Variants in TOR1AIP1 observed in about 807,000 individuals in gnomAD.
TOR1AIP1 encodes torsin-1A-interacting protein 1.
TOR1AIP1 carries 54 observed loss-of-function variants against 63.3 expected under a neutral mutation model. That is an observed-to-expected ratio of 0.85 (90% CI 0.69 to 1.07). The LOEUF (loss-of-function observed/expected upper bound fraction) is 1.07. Among genes scored for constraint, TOR1AIP1 ranks in the 50% least tolerant of loss-of-function variants. TOR1AIP1 has a pLI of 0.00. For missense variants in TOR1AIP1, 736 were observed against 715.0 expected (o/e 1.03, Z -0.33); for synonymous variants, 294 against 273.5 (o/e 1.07, Z -0.74).
chr1:179,907,593 T>TTATATATATATATATATATATATA lies in TOR1AIP1; in HGVS notation c.797-228_797-205dup, dbSNP rs55752745. 3.3e-3 allele frequency among the ~76,000 whole-genome samples: 206 copies of TTATATATATATATATATATATATA among 63,034 alleles called. 1 individual carries two copies. Among genetic ancestry groups the TTATATATATATATATATATATATA allele is most frequent in the Non-Finnish European group, 4.8e-3 (143 of 30,044 alleles). 41.4% of individuals were successfully genotyped at this position (63,034 alleles called of 152,430 possible). A position where few individuals can be genotyped will look rare whatever the true frequency, so the allele number is the denominator to read the frequency against. The stretch of plus-strand genomic sequence containing the variant: ...AGGGGGAAAGAAATACACACACACT[T>TTATATATATATATATATATATATA]TATATATATATATATATATATATAT... On this transcript the variant is annotated intron_variant, in intron 6 of 9. Coordinates refer to ENST00000606911, the MANE Select transcript of TOR1AIP1 (RefSeq NM_015602.4).
intron 2 of TOR1AIP1, among the ~76,000 whole-genome samples, chr1:179,885,319 T>C (rs1647879863): frequency 6.6e-6 from 1 of 152,234 alleles, no homozygotes; most frequent in South Asian, 2.1e-4. Context: ...TGGTAATTTG[T>C]AGTAATATGC....
At chr1:179,911,853 T>C (rs1648842313) in intron 8 of TOR1AIP1, among the ~76,000 whole-genome samples, 1 of 152,158 alleles carries the variant, frequency 6.6e-6, no homozygotes, top group Non-Finnish European at 1.5e-5. Context: ...TATTTATTGT[T>C]AATGTTTTCT....
Position 179,914,061 on chromosome 1 carries a change from TTATG to T in TOR1AIP1, c.964+11_964+14del, listed in dbSNP as rs1648916770. 1 of 1,611,668 alleles carries T rather than the reference TTATG, an allele frequency of 6.2e-7. No individual in the cohort carries two copies. Among genetic ancestry groups the T allele is most frequent in the African/African-American group, 1.3e-5 (1 of 74,842 alleles). ...CCATCAACCTCCAGCCGACGTAAGT[TTATG>T]TATTCAGTTTTTATTAAATATTTCT... On this transcript the variant is annotated splice_region_variant and intron_variant, in intron 9 of 9. Transcript: ENST00000606911.
intron 9 of TOR1AIP1, among the ~76,000 whole-genome samples, chr1:179,914,792 CAA>C (rs568810002): frequency 5.0e-4 from 36 of 72,358 alleles, no homozygotes; most frequent in Admixed American, 9.9e-4. Context: ...GACTCTGTCT[CAA>C]AAAAAAAAAA....
At chr1:179,884,259 G>C (rs1446843423) in intron 1 of TOR1AIP1, among the ~76,000 whole-genome samples, 1 of 152,072 alleles carries the variant, frequency 6.6e-6, no homozygotes, top group Non-Finnish European at 1.5e-5. Flanking sequence ...GTACATGGTA[G>C]GCAAAAAATA....
intron 7 of TOR1AIP1, 118 bp from the exon 8 acceptor site, chr1:179,908,483 TTTTA>T: frequency 3.9e-6 from 3 of 766,834 alleles, no homozygotes; most frequent in Non-Finnish European, 6.3e-6. Flanking sequence ...AAACTATTGC[TTTTA>T]TTGTTTTCTT....
intron 5 of TOR1AIP1, among the ~76,000 whole-genome samples, chr1:179,902,591 T>G (rs1177241234): frequency 1.3e-5 from 2 of 152,102 alleles, no homozygotes; most frequent in Non-Finnish European, 2.9e-5. Context: ...TTCTGTGTGT[T>G]TCCCACCCTT....
chr1:179,896,564 T>G (rs1257147554), intron 3 of TOR1AIP1, among the ~76,000 whole-genome samples: 1 of 151,826 alleles, frequency 6.6e-6, no homozygotes, highest in Admixed American at 6.6e-5. Flanking sequence ...TTTTAAGTGC[T>G]GAAATAGTGA....
At chr1:179,888,388 C>T (rs969121340) in intron 2 of TOR1AIP1, among the ~76,000 whole-genome samples, 2 of 152,184 alleles carry the variant, frequency 1.3e-5, no homozygotes, top group African/African-American at 2.4e-5. Flanking sequence ...ATCCTCCTGC[C>T]TTCGCCTCCC....
rs1388042153 is a variant in TOR1AIP1, at chr1:179,918,807, T to C, written c.*568T>C. ...GAACAAGGCAAGGAAGGAAAATTAATGGGGAAGCTGAAGGGAGGAAATGTT... is the reference window on the plus strand; with the variant it reads ...GAACAAGGCAAGGAAGGAAAATTAACGGGGAAGCTGAAGGGAGGAAATGTT... On this transcript the variant is annotated 3_prime_UTR_variant, in exon 10 of 10. Transcript: ENST00000606911. 1 of 152,484 alleles carries C rather than the reference T, an allele frequency of 6.6e-6. No homozygotes were observed. The highest frequency in any genetic ancestry group is 1.5e-5 in the Non-Finnish European group (1 of 68,324). The allele number at this position is 152,484 out of a possible 1,614,324, so 9.4% of individuals were successfully genotyped here. A position where few individuals can be genotyped will look rare whatever the true frequency, so the allele number is the denominator to read the frequency against.
chr1:179,918,286 C>A lies in TOR1AIP1; in HGVS notation c.*47C>A. 1.3e-6 allele frequency: 2 copies of A among 1,514,838 alleles called. No individual in the cohort carries two copies. Among genetic ancestry groups the A allele is most frequent in the South Asian group, 1.3e-5 (1 of 78,220 alleles). 93.8% of individuals were successfully genotyped at this position (1,514,838 alleles called of 1,614,324 possible). ...CATGTCCCAAGTTCTGAGAATTGTT[C>A]ACACTTTCTAACCAGAGACAGAATT... On this transcript the variant is annotated 3_prime_UTR_variant, in exon 10 of 10. Coordinates refer to ENST00000606911, the MANE Select transcript of TOR1AIP1 (RefSeq NM_015602.4).
At chr1:179,910,633 C>G (rs1648803596) in intron 8 of TOR1AIP1, among the ~76,000 whole-genome samples, 1 of 152,172 alleles carries the variant, frequency 6.6e-6, no homozygotes, top group East Asian at 1.9e-4. Context: ...ATTAATTATT[C>G]AGCTTATTAG....
chr1:179,914,881 C>T (rs946258721), intron 9 of TOR1AIP1, among the ~76,000 whole-genome samples: 4 of 151,700 alleles, frequency 2.6e-5, no homozygotes, highest in African/African-American at 9.7e-5. Context: ...TTATTAAGAA[C>T]CTCAAAGAGC....
At chr1:179,894,214 G>A (rs912227493) in intron 3 of TOR1AIP1, among the ~76,000 whole-genome samples, 8 of 147,542 alleles carry the variant, frequency 5.4e-5, no homozygotes, top group South Asian at 2.1e-4. Flanking sequence ...TCCCGCCACC[G>A]CACTCCAGCC....
At position 179,882,867 on chromosome 1, in the gene TOR1AIP1, TGAA is replaced by T; in HGVS notation, c.368_370del (p.Lys123del). 6.2e-7 allele frequency: 1 copy of T among 1,614,120 alleles called. No homozygotes were observed. Among genetic ancestry groups the T allele is most frequent in the Non-Finnish European group, 8.5e-7 (1 of 1,180,024 alleles). On this transcript the variant is annotated inframe_deletion, in exon 1 of 10. Coordinates refer to ENST00000606911, the MANE Select transcript of TOR1AIP1 (RefSeq NM_015602.4). ...CCGCGACCCCAGGAAACCGAGGAAA[TGAA>T]GACGCGAAGGACTACCCGCCTTCAG...
chr1:179,900,769 G>A (rs1648433476), intron 4 of TOR1AIP1, among the ~76,000 whole-genome samples: 1 of 152,106 alleles, frequency 6.6e-6, no homozygotes, highest in Non-Finnish European at 1.5e-5. Flanking sequence ...TGGTATTAAA[G>A]TAATCAGTTT....
intron 5 of TOR1AIP1, among the ~76,000 whole-genome samples, chr1:179,903,511 C>CTTT (rs763903698): frequency 1.4e-5 from 2 of 141,730 alleles, no homozygotes; most frequent in Admixed American, 7.1e-5. Flanking sequence ...CTTTTTTAAC[C>CTTT]TTTTTTTTTT....
intron 3 of TOR1AIP1, among the ~76,000 whole-genome samples, chr1:179,898,748 A>AT (rs1479227853): frequency 6.6e-6 from 1 of 152,028 alleles, no homozygotes; most frequent in Non-Finnish European, 1.5e-5. Flanking sequence ...CTTAAAAAAA[A>AT]TTTTTTTCGT....
chr1:179,914,726 G>A (rs1349858154), intron 9 of TOR1AIP1, among the ~76,000 whole-genome samples: 1 of 151,908 alleles, frequency 6.6e-6, no homozygotes, highest in Non-Finnish European at 1.5e-5. Flanking sequence ...CCCAGGAAGC[G>A]GAGGTTGCAG....
Sources: allele counts gnomAD v4.1 joint callset (sites outside exome capture counted in the v4.1 genomes callset), GRCh38; gene constraint gnomAD v4.1.1; transcripts MANE v1.5; gene names NCBI Gene and HGNC (gene_info 2026-07-23, HGNC 2026-07-21).